Variants in PDE4D observed in about 807,000 individuals in gnomAD.
PDE4D encodes 3',5'-cyclic-AMP phosphodiesterase 4D.
A neutral mutation model predicts 87.4 loss-of-function variants in PDE4D; 24 were observed. The ratio of observed to expected loss-of-function variants is 0.27; its 90% CI spans 0.20 to 0.39. PDE4D has a LOEUF of 0.39. PDE4D is among the 10% of genes least tolerant of loss of function. The probability of loss-of-function intolerance (pLI) is 1.00; values close to 1 mark genes in which losing one functional copy is unlikely to be tolerated. For missense variants in PDE4D, 714 were observed against 1,041.0 expected, an observed-to-expected ratio of 0.69 and a Z score of 4.32; for synonymous variants, 384 against 383.2, an observed-to-expected ratio of 1.00 and a Z score of -0.02.
chr5:59,691,795 T>G (rs1750994613), intron 1 of PDE4D, among the ~76,000 whole-genome samples: 4 of 152,094 alleles, frequency 2.6e-5, no homozygotes, highest in Admixed American at 2.6e-4. Flanking sequence ...AAAATAAGCT[T>G]AATAATATAA....
intron 2 of PDE4D, among the ~76,000 whole-genome samples, chr5:60,145,984 C>T (rs1780959223): frequency 6.6e-6 from 1 of 152,156 alleles, no homozygotes; most frequent in Admixed American, 6.5e-5. Context: ...GAAGCTGAGG[C>T]AGGCGGGTCA....
At chr5:59,954,819 G>A (rs1758666023) in intron 3 of PDE4D, among the ~76,000 whole-genome samples, 1 of 152,164 alleles carries the variant, frequency 6.6e-6, no homozygotes, top group South Asian at 2.1e-4. Context: ...CGTATTGAGT[G>A]AGGCACAGGA....
intron 6 of PDE4D, among the ~76,000 whole-genome samples, chr5:59,033,791 A>C (rs945195022): frequency 1.3e-5 from 2 of 152,302 alleles, no homozygotes; most frequent in Non-Finnish European, 2.9e-5. Context: ...CTCAGACAGA[A>C]GTTACCACTA....
chr5:59,202,588 C>G (rs531653595), intron 2 of PDE4D, among the ~76,000 whole-genome samples: 1 of 151,868 alleles, frequency 6.6e-6, no homozygotes, highest in Non-Finnish European at 1.5e-5. Context: ...ATTTTAACTC[C>G]GACAACTTCC....
At chr5:60,437,985 T>C (rs893915098) in intron 1 of PDE4D, among the ~76,000 whole-genome samples, 1 of 152,150 alleles carries the variant, frequency 6.6e-6, no homozygotes, top group African/African-American at 2.4e-5. Context: ...TCTTTTGTGA[T>C]TGACAGCAGG....
chr5:60,131,744 GTTGTT>G (rs978389446), intron 2 of PDE4D, among the ~76,000 whole-genome samples: 26 of 152,314 alleles, frequency 1.7e-4, no homozygotes, highest in Middle Eastern at 3.4e-3. Flanking sequence ...TAAATAAATG[GTTGTT>G]TTAAGCCATT....
intron 1 of PDE4D, among the ~76,000 whole-genome samples, chr5:59,365,675 C>T (rs1246191144): frequency 6.6e-6 from 1 of 152,058 alleles, no homozygotes; most frequent in East Asian, 1.9e-4. Context: ...TATTTCAGCC[C>T]AGTGTGGGTC....
intron 1 of PDE4D, among the ~76,000 whole-genome samples, chr5:59,869,674 C>T (rs1392138273): frequency 6.6e-6 from 1 of 152,112 alleles, no homozygotes; most frequent in Non-Finnish European, 1.5e-5. Context: ...TGAACCTCAC[C>T]ACCTGCTTGT....
chr5:59,578,150 T>C (rs569389558), intron 1 of PDE4D, among the ~76,000 whole-genome samples: 3 of 152,200 alleles, frequency 2.0e-5, no homozygotes, highest in Non-Finnish European at 4.4e-5. Flanking sequence ...CTTCCCACTG[T>C]GATTTTTATT....
intron 2 of PDE4D, among the ~76,000 whole-genome samples, chr5:60,045,800 G>A (rs1228024722): frequency 6.6e-6 from 1 of 152,164 alleles, no homozygotes; most frequent in Non-Finnish European, 1.5e-5. Context: ...GTAGTGTGAT[G>A]CCTCCAGCTT....
intron 1 of PDE4D, among the ~76,000 whole-genome samples, chr5:59,685,382 A>C (rs1749683317): frequency 6.6e-6 from 1 of 152,210 alleles, no homozygotes. Flanking sequence ...AATTAACTAC[A>C]TCAACTCTTA....
intron 2 of PDE4D, among the ~76,000 whole-genome samples, chr5:60,091,074 G>A (rs965018218): frequency 6.6e-6 from 1 of 152,098 alleles, no homozygotes; most frequent in Non-Finnish European, 1.5e-5. Context: ...CTCATGAATT[G>A]GAAGAACACT....
chr5:60,334,575 T>C (rs1757580444), intron 1 of PDE4D, among the ~76,000 whole-genome samples: 1 of 152,114 alleles, frequency 6.6e-6, no homozygotes, highest in South Asian at 2.1e-4. Context: ...ATGTGTCCTC[T>C]AATTCCCCAG....
At chr5:59,836,619 T>TATCC (rs1742080692) in intron 1 of PDE4D, among the ~76,000 whole-genome samples, 1 of 29,752 alleles carries the variant, frequency 3.4e-5, no homozygotes, top group Non-Finnish European at 7.8e-5. Context: ...TTCCAAGATG[T>TATCC]ATCTATCTAT....
At chr5:59,792,132 T>A (rs1343718134) in intron 1 of PDE4D, among the ~76,000 whole-genome samples, 1 of 151,566 alleles carries the variant, frequency 6.6e-6, no homozygotes, top group African/African-American at 2.4e-5. Flanking sequence ...AATCCATGAG[T>A]AGTAAGGGTA....
intron 1 of PDE4D, among the ~76,000 whole-genome samples, chr5:59,564,311 C>T (rs111291308): frequency 2.0e-3 from 300 of 152,148 alleles, no homozygotes; most frequent in African/African-American, 6.9e-3. Context: ...AAAAATGATC[C>T]GCAAAAGCCA....
intron 1 of PDE4D, among the ~76,000 whole-genome samples, chr5:59,814,222 G>T (rs2152682254): frequency 6.6e-6 from 1 of 152,228 alleles, no homozygotes; most frequent in Middle Eastern, 3.4e-3. Context: ...GCTTTATTGG[G>T]ACACAACCAT....
At chr5:59,269,778 A>T (rs1763478887) in intron 1 of PDE4D, among the ~76,000 whole-genome samples, 2 of 152,016 alleles carry the variant, frequency 1.3e-5, no homozygotes, top group African/African-American at 2.4e-5. Flanking sequence ...TAAAAATTAT[A>T]TCTATATATT....
At chr5:59,478,177 C>A (rs1803646455) in intron 1 of PDE4D, among the ~76,000 whole-genome samples, 1 of 151,838 alleles carries the variant, frequency 6.6e-6, no homozygotes, top group Non-Finnish European at 1.5e-5. Flanking sequence ...GCACATGTGC[C>A]CCCTGTATCT....
Sources: gnomAD v4.1 joint callset for allele counts (sites outside exome capture counted in the v4.1 genomes callset) on GRCh38, gnomAD v4.1.1 for gene constraint, MANE v1.5 for transcripts, NCBI Gene and HGNC (gene_info 2026-07-23, HGNC 2026-07-21) for gene names.